The following DOCK1 variants were observed in gnomAD, a reference collection of about 807,000 sequenced individuals.
DOCK1 encodes dedicator of cytokinesis 1, also known as dedicator of cytokinesis protein 1.
In DOCK1, 138 loss-of-function variants were observed where a neutral mutation model predicts 262.7. The observed-to-expected ratio is 0.53, with a 90% CI of 0.46 to 0.61. DOCK1 has a LOEUF of 0.61. DOCK1 is among the 20% of genes least tolerant of loss of function. The pLI is 0.00. For missense variants in DOCK1, 1,908 were observed against 2,370.7 expected (o/e 0.80, Z 4.05); for synonymous variants, 866 against 867.4 (o/e 1.00, Z 0.03).
chr10:126,966,170 A>G (rs1184403369), intron 1 of DOCK1, among the ~76,000 whole-genome samples: 4 of 152,174 alleles, frequency 2.6e-5, no homozygotes, highest in East Asian at 1.9e-4. Context: ...AATTCCATCC[A>G]TGTTGTTGGG....
chr10:127,175,428 G>A lies in DOCK1; in HGVS notation c.2847+47664G>A, dbSNP rs758739317. 1.1e-5 allele frequency: 17 copies of A among 1,612,806 alleles called. No homozygotes were observed. Among genetic ancestry groups the A allele is most frequent in the Middle Eastern group, 3.3e-4 (2 of 6,084 alleles). On this transcript the variant is annotated intron_variant, in intron 27 of 51. Transcript: ENST00000623213. This position sits in a 1 kb window ranked among gnomAD's most constrained non-coding sequence, Gnocchi z 6.3. ...CAGCCCCGGCGGGGTGTGAGTCTGC[G>A]ACGGCTGCTCACTACATTCGGGGGA...
At chr10:126,931,610 T>A (rs1274172179) in intron 1 of DOCK1, among the ~76,000 whole-genome samples, 1 of 152,126 alleles carries the variant, frequency 6.6e-6, no homozygotes, top group African/African-American at 2.4e-5. Context: ...TGGGGCCTCA[T>A]CTGTTGAATG....
At chr10:127,040,437 G>A (rs1169967771) in intron 19 of DOCK1, among the ~76,000 whole-genome samples, 2 of 152,162 alleles carry the variant, frequency 1.3e-5, no homozygotes, top group African/African-American at 2.4e-5. Flanking sequence ...CTCATGCTGG[G>A]CATGCTGGGC....
At position 126,918,131 on chromosome 10, in the gene DOCK1, C is replaced by T. The variant is rs146802388; in HGVS notation, c.46+12568C>T. ...GAAGGGACTTCCAGGGGAGGCTGCC[C>T]GGGATTGCCAGTGCAGTGGGGCTCC... is the stretch of plus-strand genomic sequence containing the variant. On this transcript the variant is annotated intron_variant, in intron 1 of 51. Coordinates refer to ENST00000623213, the MANE Select transcript of DOCK1 (RefSeq NM_001290223.2). Among the ~76,000 whole-genome samples, 19 of 152,316 alleles carry T rather than the reference C, an allele frequency of 1.2e-4. No homozygotes were observed. In the East Asian group the frequency reaches 3.3e-3, roughly 26 times the overall value.
In DOCK1 at chr10:126,969,514, C is replaced by T. The variant is rs1423594499; in HGVS notation, c.47-1188C>T. Among the ~76,000 whole-genome samples, 4 of 152,140 alleles carry T rather than the reference C, an allele frequency of 2.6e-5. No individual in the cohort carries two copies. The East Asian group carries it at 7.7e-4, about 29-fold the overall frequency. On this transcript the variant is annotated intron_variant, in intron 1 of 51. Coordinates refer to ENST00000623213, the MANE Select transcript of DOCK1 (RefSeq NM_001290223.2). ...GTGGCTTTTCTTTAGTTGGGGATGT[C>T]TTAACACACACATCTGAAATAAGAC... is the stretch of plus-strand genomic sequence containing the variant.
In DOCK1 at chr10:127,381,317, T is replaced by A. The variant is rs61758437; in HGVS notation, c.3756T>A (p.Asp1252Glu). The change falls in exon 37 of 52, where the codon GAT becomes GAA. Residue 1252 changes from aspartate to glutamate, a missense_variant. By Grantham distance (45) the Asp-to-Glu change is conservative. Coordinates refer to ENST00000623213, the MANE Select transcript of DOCK1 (RefSeq NM_001290223.2). ...TCTGTGACCTGCACAAGGAGTGTGA[T>A]AACTACACCGAAGCGGCTTACACCT... is the stretch of plus-strand genomic sequence containing the variant. ...YKLCDLHKEC[D>E]NYTEAAYTLL... The A allele has an allele frequency of 1.4e-5, 22 of 1,613,202 alleles. No homozygotes were observed. In the African/African-American group the frequency reaches 2.1e-4, roughly 16 times the overall value.
At chr10:126,983,805 C>G (rs1489030186) in intron 4 of DOCK1, among the ~76,000 whole-genome samples, 1 of 152,182 alleles carries the variant, frequency 6.6e-6, no homozygotes, top group Non-Finnish European at 1.5e-5. Flanking sequence ...TACTCTATGC[C>G]TGTTACCACT....
At chr10:127,406,358 G>A (rs770327464) in intron 40 of DOCK1, among the ~76,000 whole-genome samples, 12 of 152,186 alleles carry the variant, frequency 7.9e-5, no homozygotes, top group Non-Finnish European at 5.9e-5. Context: ...CTCCAGGGGC[G>A]GTGCTGGGTC....
chr10:127,286,753 A>G (rs1194979643), intron 29 of DOCK1, among the ~76,000 whole-genome samples: 7 of 152,188 alleles, frequency 4.6e-5, no homozygotes, highest in Admixed American at 2.0e-4. Context: ...TGTTTTATAC[A>G]TAGTTCCTAT....
At chr10:127,196,106 C>G (rs2057118262) in intron 27 of DOCK1, 2 of 152,068 alleles carry the variant, frequency 1.3e-5, no homozygotes, top group Admixed American at 1.3e-4. Flanking sequence ...GACAGGGCAT[C>G]CGCGGCCAGA....
At chr10:127,138,820 T>TA (rs1206112015) in intron 27 of DOCK1, among the ~76,000 whole-genome samples, 1 of 152,246 alleles carries the variant, frequency 6.6e-6, no homozygotes, top group Non-Finnish European at 1.5e-5. Context: ...TGTTATTTCT[T>TA]ACAGCATTTC....
intron 29 of DOCK1, among the ~76,000 whole-genome samples, chr10:127,276,339 T>A (rs1469949699): frequency 6.6e-6 from 1 of 152,166 alleles, no homozygotes; most frequent in Non-Finnish European, 1.5e-5. Flanking sequence ...CTTCTCTGTT[T>A]GACTTGGCTT....
At chr10:127,016,397 G>A (rs1591659478) in intron 12 of DOCK1, 1 of 152,312 alleles carries the variant, frequency 6.6e-6, no homozygotes, top group East Asian at 1.9e-4. Flanking sequence ...AGCGGATATA[G>A]GAATGGGCAG....
chr10:127,141,876 A>G (rs746127723), intron 27 of DOCK1, among the ~76,000 whole-genome samples: 1 of 152,090 alleles, frequency 6.6e-6, no homozygotes, highest in Non-Finnish European at 1.5e-5. Context: ...GTTCTATTCT[A>G]TCAGAACTTA....
chr10:127,297,991 TAATC>T (rs1325837378), intron 29 of DOCK1, among the ~76,000 whole-genome samples: 1 of 152,160 alleles, frequency 6.6e-6, no homozygotes, highest in South Asian at 2.1e-4. Flanking sequence ...AGTACCTAAT[TAATC>T]CCACCAAACA....
chr10:127,441,735 C>T (rs909975722), intron 49 of DOCK1, among the ~76,000 whole-genome samples: 2 of 151,500 alleles, frequency 1.3e-5, no homozygotes, highest in Non-Finnish European at 2.9e-5. Flanking sequence ...GCCCTTCCCC[C>T]CTGCGGGCCT....
chr10:127,326,038 T>C (rs1329114234), intron 29 of DOCK1, among the ~76,000 whole-genome samples: 2 of 152,220 alleles, frequency 1.3e-5, no homozygotes, highest in African/African-American at 4.8e-5. Context: ...TTAATAGAAA[T>C]ACTTTATTGT....
chr10:127,113,904 C>T (rs929444384), intron 25 of DOCK1, among the ~76,000 whole-genome samples: 3 of 152,210 alleles, frequency 2.0e-5, no homozygotes, highest in African/African-American at 4.8e-5. Context: ...GTCCCCCAAT[C>T]CCAATGCTAA....
At chr10:127,178,694 T>G (rs2055423014) in intron 27 of DOCK1, among the ~76,000 whole-genome samples, 1 of 152,130 alleles carries the variant, frequency 6.6e-6, no homozygotes. Flanking sequence ...ATTTGAAACT[T>G]GAAAAACTGG....
Sources: allele counts gnomAD v4.1 joint callset (sites outside exome capture counted in the v4.1 genomes callset), GRCh38; gene constraint gnomAD v4.1.1; non-coding constraint Gnocchi (gnomAD v3.1); transcripts MANE v1.5; gene names NCBI Gene and HGNC (gene_info 2026-07-23, HGNC 2026-07-21).